MATCAP1: variants seen among roughly 807,000 people sequenced by gnomAD.
MATCAP1 encodes the protein microtubule-associated tyrosine carboxypeptidase 1.
chr16:67,182,737 TCA>T, the MATCAP1 span, among the ~76,000 whole-genome samples: 1 of 152,202 alleles, frequency 6.6e-6, no homozygotes, highest in African/African-American at 2.4e-5. Flanking sequence ...GGTCACTCTC[TCA>T]CTTTCCTCAA....
chr16:67,181,509 C>T, the MATCAP1 span: 1 of 152,166 alleles, frequency 6.6e-6, no homozygotes, highest in African/African-American at 2.4e-5. Context: ...GCGCTCACCC[C>T]GACTCTGTTC....
chr16:67,176,074 T>A, the MATCAP1 span: 1 of 127,488 alleles, frequency 7.8e-6, no homozygotes, highest in South Asian at 3.2e-4. The surrounding 1 kb of genome is among the most constrained non-coding windows in gnomAD (Gnocchi z 4.3). Flanking sequence ...TGTGTGTGTG[T>A]GTGTGTGTGT....
chr16:67,179,082 C>T, the MATCAP1 span: 2 of 1,177,036 alleles, frequency 1.7e-6, no homozygotes, highest in Middle Eastern at 3.7e-4. This position sits in a 1 kb window ranked among gnomAD's most constrained non-coding sequence, Gnocchi z 5.2. Flanking sequence ...CCTGGAGGGC[C>T]AGCGTGGTGG....
chr16:67,178,936 G>A, the MATCAP1 span: 7 of 418,800 alleles, frequency 1.7e-5, no homozygotes, highest in Non-Finnish European at 2.7e-5. Flanking sequence ...CAGGATTCTC[G>A]AGGAAGAGGG....
chr16:67,182,637 A>G, the MATCAP1 span, among the ~76,000 whole-genome samples: 1 of 152,310 alleles, frequency 6.6e-6, no homozygotes, highest in Admixed American at 6.5e-5. Context: ...GTCCATCTTC[A>G]CTGCAGTGTC....
the MATCAP1 span, among the ~76,000 whole-genome samples, chr16:67,182,570 A>G: frequency 6.6e-6 from 1 of 152,250 alleles, no homozygotes; most frequent in Non-Finnish European, 1.5e-5. Flanking sequence ...CCTGGCCTCA[A>G]GCAATCTTCC....
At chr16:67,177,003 T>TC in the MATCAP1 span, 1 of 1,502,544 alleles carries the variant, frequency 6.7e-7, no homozygotes, top group Non-Finnish European at 8.9e-7. Context: ...GCATCAGGCA[T>TC]AGGCAGTGGC....
chr16:67,177,358 A>C, the MATCAP1 span, among the ~76,000 whole-genome samples: 1 of 152,110 alleles, frequency 6.6e-6, no homozygotes, highest in African/African-American at 2.4e-5. Flanking sequence ...ACAGTCACCC[A>C]GGTCAGATTC....
At chr16:67,176,699 A>T in the MATCAP1 span, 1 of 1,052,782 alleles carries the variant, frequency 9.5e-7, no homozygotes, top group Non-Finnish European at 1.3e-6. The surrounding 1 kb of genome is among the most constrained non-coding windows in gnomAD (Gnocchi z 4.3). Flanking sequence ...CTGCCCTCCC[A>T]ACACCCCCAA....
the MATCAP1 span, chr16:67,178,382 C>A: frequency 6.4e-7 from 1 of 1,556,344 alleles, no homozygotes; most frequent in Non-Finnish European, 8.7e-7. Flanking sequence ...CGGAACAGCA[C>A]GCTGTGCAGG....
the MATCAP1 span, chr16:67,180,571 G>T: frequency 2.6e-6 from 4 of 1,525,658 alleles, no homozygotes; most frequent in Middle Eastern, 1.8e-4. Context: ...GGGCTGGGGG[G>T]TGCCTGATCA....
the MATCAP1 span, chr16:67,176,521 A>G: frequency 3.0e-6 from 1 of 335,392 alleles, no homozygotes; most frequent in East Asian, 4.8e-5. The surrounding 1 kb of genome is among the most constrained non-coding windows in gnomAD (Gnocchi z 4.3). Context: ...ATCCCCATCA[A>G]TGCTCAGCTC....
chr16:67,180,513 C>T, the MATCAP1 span: 22,646 of 1,569,874 alleles, frequency 0.014, 1,220 homozygotes, highest in East Asian at 0.19. Flanking sequence ...TGGCCCATCT[C>T]GGTCTGAGGG....
At chr16:67,176,852 G>C in the MATCAP1 span, 2 of 1,608,150 alleles carry the variant, frequency 1.2e-6, no homozygotes, top group East Asian at 4.5e-5. The surrounding 1 kb of genome is among the most constrained non-coding windows in gnomAD (Gnocchi z 4.3). Flanking sequence ...TCATCCAGCC[G>C]GTTGGTGGCC....
At chr16:67,183,753 CAATG>C in the MATCAP1 span, 1 of 160,632 alleles carries the variant, frequency 6.2e-6, no homozygotes, top group Admixed American at 6.5e-5. Context: ...AGGGCGTGCC[CAATG>C]GAGGGTGGGG....
the MATCAP1 span, chr16:67,179,160 G>A: frequency 7.0e-6 from 9 of 1,279,676 alleles, no homozygotes; most frequent in South Asian, 1.7e-4. This position sits in a 1 kb window ranked among gnomAD's most constrained non-coding sequence, Gnocchi z 5.2. Context: ...TGCCCGCACT[G>A]TTGGGAGAAG....
the MATCAP1 span, chr16:67,180,659 G>T: frequency 7.3e-7 from 1 of 1,368,498 alleles, no homozygotes; most frequent in Non-Finnish European, 9.9e-7. Flanking sequence ...TCCCCACACT[G>T]TCGACCTCTG....
the MATCAP1 span, among the ~76,000 whole-genome samples, chr16:67,182,461 C>T: frequency 6.6e-6 from 1 of 152,196 alleles, no homozygotes; most frequent in South Asian, 2.1e-4. Context: ...TGTGGTTTTA[C>T]ATACATTAGC....
chr16:67,183,786 G>C, the MATCAP1 span: 1 of 167,126 alleles, frequency 6.0e-6, no homozygotes, highest in Non-Finnish European at 1.3e-5. Flanking sequence ...CAATGGAGTG[G>C]AGGCTTCTCC....
Sources: allele counts gnomAD v4.1 joint callset (sites outside exome capture counted in the v4.1 genomes callset), GRCh38; gene constraint gnomAD v4.1.1; non-coding constraint Gnocchi (gnomAD v3.1); transcripts MANE v1.5; gene names NCBI Gene and HGNC (gene_info 2026-07-23, HGNC 2026-07-21).